Variants in ST18 observed in about 807,000 individuals in gnomAD.
ST18 encodes the protein suppression of tumorigenicity 18 protein.
In ST18, 50 loss-of-function variants were observed where a neutral mutation model predicts 110.0. The observed-to-expected ratio is 0.45, with a 90% CI of 0.36 to 0.58. The LOEUF (loss-of-function observed/expected upper bound fraction) is 0.58. ST18 is among the 20% of genes least tolerant of loss of function. ST18 has a pLI of 0.00. For missense variants in ST18, 1,306 were observed against 1,280.1 expected (o/e 1.02, Z -0.31); for synonymous variants, 461 against 452.4 (o/e 1.02, Z -0.24).
At position 52,110,939 on chromosome 8, in the gene ST18, TACAA is replaced by T; in HGVS notation, c.*2255_*2258del. 1 of 397,878 alleles carries T rather than the reference TACAA, an allele frequency of 2.5e-6. No homozygotes were observed. The allele number at this position is 397,878 out of a possible 1,614,324, so 24.6% of individuals were successfully genotyped here. On this transcript the variant is annotated 3_prime_UTR_variant, in exon 26 of 26. Coordinates refer to ENST00000689386, the MANE Select transcript of ST18 (RefSeq NM_001352837.2). ...ATATTAAGTGTTTGGAGAAACAGTA[TACAA>T]ACAAACTACCTCAAATTAAAAAAAA...
chr8:52,224,610 C>G (rs2136543037), intron 3 of ST18, among the ~76,000 whole-genome samples: 1 of 152,322 alleles, frequency 6.6e-6, no homozygotes, highest in East Asian at 1.9e-4. Context: ...ACTGGAACCA[C>G]TCTGCAGGAA....
At chr8:52,209,254 T>A (rs531288015) in intron 8 of ST18, among the ~76,000 whole-genome samples, 54 of 152,334 alleles carry the variant, frequency 3.5e-4, no homozygotes, top group Non-Finnish European at 6.5e-4. Flanking sequence ...GTGTGTGAGA[T>A]AAAGACTAGT....
chr8:52,126,839 C>T (rs746476184), intron 22 of ST18, among the ~76,000 whole-genome samples: 1 of 152,226 alleles, frequency 6.6e-6, no homozygotes, highest in Non-Finnish European at 1.5e-5. Context: ...AGTAGTGGCA[C>T]TCTTCAGCAG....
intron 22 of ST18, among the ~76,000 whole-genome samples, chr8:52,130,119 A>AAAGAAAAGGAAAGAAAG (rs67888949): frequency 9.5e-6 from 1 of 105,164 alleles, no homozygotes; most frequent in East Asian, 2.8e-4. Context: ...AGAAAGAAAG[A>AAAGAAAAGGAAAGAAAG]AAAGAAAGAA....
intron 17 of ST18, among the ~76,000 whole-genome samples, chr8:52,140,551 A>AGAT (rs2131970164): frequency 4.5e-5 from 1 of 22,466 alleles, no homozygotes; most frequent in African/African-American, 9.1e-5. Flanking sequence ...GATAGATGAT[A>AGAT]GATAGATAGA....
At chr8:52,114,474 G>C (rs2041805869) in intron 25 of ST18, among the ~76,000 whole-genome samples, 1 of 152,176 alleles carries the variant, frequency 6.6e-6, no homozygotes, top group Non-Finnish European at 1.5e-5. Context: ...AAAGGTGCTT[G>C]GAAGAAAGGA....
At chr8:52,138,390 T>G (rs1188301792) in intron 17 of ST18, among the ~76,000 whole-genome samples, 1 of 152,218 alleles carries the variant, frequency 6.6e-6, no homozygotes. Flanking sequence ...CATTAAGATG[T>G]GTGCCCCTGC....
intron 2 of ST18, among the ~76,000 whole-genome samples, chr8:52,235,381 T>C (rs2092467067): frequency 6.6e-6 from 1 of 152,082 alleles, no homozygotes; most frequent in East Asian, 1.9e-4. Flanking sequence ...AGCTCCAGAC[T>C]GGAAGCACCT....
intron 12 of ST18, 132 bp downstream of exon 12, chr8:52,165,003 C>G: frequency 1.3e-6 from 1 of 773,114 alleles, no homozygotes. Flanking sequence ...TATTTCTTCT[C>G]TATTTCAAGT....
At chr8:52,353,810 C>T (rs1426846674) in intron 2 of ST18, among the ~76,000 whole-genome samples, 3 of 152,200 alleles carry the variant, frequency 2.0e-5, no homozygotes, top group Non-Finnish European at 4.4e-5. Flanking sequence ...TCAATTTCTG[C>T]CTCTCCCTTC....
intron 2 of ST18, among the ~76,000 whole-genome samples, chr8:52,388,091 G>A (rs180835685): frequency 2.6e-4 from 39 of 152,252 alleles, no homozygotes; most frequent in African/African-American, 9.1e-4. Flanking sequence ...TTGCTGTAAC[G>A]CTTGTTTCGA....
Position 52,161,578 on chromosome 8 carries a change from G to C in ST18, c.1401-10C>G, listed in dbSNP as rs766170254. On this transcript the variant is annotated splice_polypyrimidine_tract_variant and intron_variant, in intron 13 of 25. Transcript: ENST00000689386. ...CTTCACCAAACTTGTCCTGGAGAGG[G>C]GGGTGAAGCAGTTCAAAAGAAATAC... 4 of 1,613,218 alleles carry C rather than the reference G, an allele frequency of 2.5e-6. No individual in the cohort carries two copies. The highest frequency in any genetic ancestry group is 2.7e-5 in the African/African-American group (2 of 74,820).
chr8:52,221,274 G>A (rs2086636103), intron 4 of ST18, among the ~76,000 whole-genome samples: 3 of 152,070 alleles, frequency 2.0e-5, no homozygotes, highest in South Asian at 2.1e-4. Flanking sequence ...ATACTCAAGC[G>A]GTCACAAAAG....
chr8:52,214,312 G>A, intron 6 of ST18, 55 bp from the exon 7 acceptor site: 1 of 1,577,350 alleles, frequency 6.3e-7, no homozygotes, highest in Non-Finnish European at 8.7e-7. Context: ...ACCAAAATAT[G>A]AAAACATGTA....
chr8:52,304,389 A>C (rs545230152), intron 2 of ST18, among the ~76,000 whole-genome samples: 2 of 152,320 alleles, frequency 1.3e-5, no homozygotes, highest in East Asian at 3.9e-4. Flanking sequence ...GTTAAAAGTA[A>C]AGAGAGAAAC....
chr8:52,337,372 T>A (rs1431154010), intron 2 of ST18, among the ~76,000 whole-genome samples: 1 of 152,236 alleles, frequency 6.6e-6, no homozygotes, highest in Middle Eastern at 3.2e-3. Flanking sequence ...TCTTTGATTA[T>A]TATTATGCCT....
chr8:52,350,342 T>C (rs1351626775), intron 2 of ST18, among the ~76,000 whole-genome samples: 5 of 152,160 alleles, frequency 3.3e-5, no homozygotes, highest in Non-Finnish European at 7.4e-5. Flanking sequence ...AATACACTTC[T>C]GTGACGTGTT....
intron 17 of ST18, among the ~76,000 whole-genome samples, chr8:52,138,986 A>G (rs1328291613): frequency 6.6e-6 from 1 of 152,214 alleles, no homozygotes; most frequent in Non-Finnish European, 1.5e-5. Flanking sequence ...TAAAGAAACT[A>G]TAAGAGTTAG....
intron 2 of ST18, among the ~76,000 whole-genome samples, chr8:52,325,577 A>G (rs1199240358): frequency 6.6e-6 from 1 of 152,216 alleles, no homozygotes; most frequent in Non-Finnish European, 1.5e-5. Context: ...ACACCATACT[A>G]ATGAATTAAT....
Sources: gnomAD v4.1 joint callset for allele counts (sites outside exome capture counted in the v4.1 genomes callset) on GRCh38, gnomAD v4.1.1 for gene constraint, MANE v1.5 for transcripts, NCBI Gene and HGNC (gene_info 2026-07-23, HGNC 2026-07-21) for gene names.